The following KCNK13 variants were observed in gnomAD, a reference collection of about 807,000 sequenced individuals.
KCNK13 encodes potassium channel subfamily K member 13.
A neutral mutation model predicts 23.4 loss-of-function variants in KCNK13; 12 were observed. That is an observed-to-expected ratio of 0.51 (90% confidence interval 0.33 to 0.83). The LOEUF (loss-of-function observed/expected upper bound fraction) is 0.83. Among genes scored for constraint, KCNK13 ranks in the 40% least tolerant of loss-of-function variants. The probability of loss-of-function intolerance (pLI) is 0.02; values close to 1 mark genes in which losing one functional copy is unlikely to be tolerated. For synonymous variants in KCNK13, 231 were observed against 229.5 expected (o/e 1.01, Z -0.06); for missense variants, 463 against 556.3 (o/e 0.83, Z 1.69).
chr14:90,113,032 A>G lies in KCNK13; in HGVS notation c.334+50493A>G, dbSNP rs540065145. Reference sequence around the variant, plus strand: ...GGGCTCAAGCAATCCTTTCACCCCAACCTCCTGAGTAGCTGGGACCACAGA... The same window carrying G: ...GGGCTCAAGCAATCCTTTCACCCCAGCCTCCTGAGTAGCTGGGACCACAGA... On this transcript the variant is annotated intron_variant, in intron 1 of 1. Transcript: ENST00000282146. 2.3e-4 allele frequency among the ~76,000 whole-genome samples: 35 copies of G among 151,862 alleles called. 3 individuals carry two copies. The South Asian group carries it at 6.9e-3, about 30-fold the overall frequency.
intron 1 of KCNK13, among the ~76,000 whole-genome samples, chr14:90,173,350 C>G (rs915177701): frequency 6.6e-6 from 1 of 151,970 alleles, no homozygotes; most frequent in Non-Finnish European, 1.5e-5. Context: ...GAGTGAGACC[C>G]CACCTCTAAA....
intron 1 of KCNK13, among the ~76,000 whole-genome samples, chr14:90,146,371 A>G (rs1289070195): frequency 6.6e-6 from 1 of 152,162 alleles, no homozygotes. Flanking sequence ...GCTGGAGTGC[A>G]GTGGTACAAT....
intron 1 of KCNK13, among the ~76,000 whole-genome samples, chr14:90,179,072 A>G (rs2140448258): frequency 6.6e-6 from 1 of 152,308 alleles, no homozygotes; most frequent in Non-Finnish European, 1.5e-5. Context: ...GTCATTAGGT[A>G]TGGTAATGGC....
chr14:90,152,842 T>C (rs1322331488), intron 1 of KCNK13, among the ~76,000 whole-genome samples: 4 of 152,182 alleles, frequency 2.6e-5, no homozygotes, highest in African/African-American at 7.2e-5. Context: ...TTAATTGACA[T>C]AGAGTCTCCC....
rs180923887 is a variant in KCNK13 at position 90,159,665 on chromosome 14, C to T, written c.335-24446C>T. Among the ~76,000 whole-genome samples the T allele has an allele frequency of 9.8e-5, 15 of 152,292 alleles. 1 individual carries two copies. The South Asian group carries it at 2.7e-3, about 27-fold the overall frequency. ...GGCAAACTCTTAGAACTCTAAGGCACATATCTAGTGTTTTATCTATATTAG... is the reference window on the plus strand; with the variant it reads ...GGCAAACTCTTAGAACTCTAAGGCATATATCTAGTGTTTTATCTATATTAG... On this transcript the variant is annotated intron_variant, in intron 1 of 1. Transcript: ENST00000282146.
intron 1 of KCNK13, among the ~76,000 whole-genome samples, chr14:90,086,939 T>A (rs969949730): frequency 2.0e-5 from 3 of 151,908 alleles, no homozygotes; most frequent in Non-Finnish European, 4.4e-5. Context: ...ATGATGAATG[T>A]AGGTAACAAC....
chr14:90,092,559 T>C (rs545970138), intron 1 of KCNK13, among the ~76,000 whole-genome samples: 45 of 152,118 alleles, frequency 3.0e-4, no homozygotes, highest in African/African-American at 1.1e-3. Flanking sequence ...CTCTAGTGAT[T>C]AAGAGGATGG....
chr14:90,182,296 C>T (rs887855460), intron 1 of KCNK13, among the ~76,000 whole-genome samples: 1 of 152,130 alleles, frequency 6.6e-6, no homozygotes, highest in African/African-American at 2.4e-5. Context: ...GAAAGGTGGC[C>T]CCTTGGCTTG....
chr14:90,185,026 A>G lies in KCNK13; in HGVS notation c.*23A>G, dbSNP rs1245234294. ...TAGAAGCCAGGAGTGGATGCTGGGC[A>G]GAGGCCAGAGTAGAATGGAGGATGA... is the stretch of plus-strand genomic sequence containing the variant. On this transcript the variant is annotated 3_prime_UTR_variant, in exon 2 of 2. Transcript: ENST00000282146. The G allele has an allele frequency of 1.3e-6, 2 of 1,542,418 alleles. No individual in the cohort carries two copies. The highest frequency in any genetic ancestry group is 2.5e-5 in the South Asian group (2 of 81,068).
intron 1 of KCNK13, among the ~76,000 whole-genome samples, chr14:90,064,995 G>A (rs530556100): frequency 6.6e-6 from 1 of 152,212 alleles, no homozygotes; most frequent in Non-Finnish European, 1.5e-5. Flanking sequence ...AAAAGCTGAA[G>A]GTTCAGGTTT....
chr14:90,072,042 C>T (rs887183672), intron 1 of KCNK13, among the ~76,000 whole-genome samples: 2 of 152,104 alleles, frequency 1.3e-5, no homozygotes, highest in African/African-American at 4.8e-5. Context: ...GCAGTCCTGC[C>T]GAGGACGGTG....
At chr14:90,124,103 C>A (rs149062349) in intron 1 of KCNK13, among the ~76,000 whole-genome samples, 1 of 152,342 alleles carries the variant, frequency 6.6e-6, no homozygotes, top group East Asian at 1.9e-4. Flanking sequence ...TTCTGCCCAG[C>A]AAACAATTAG....
intron 1 of KCNK13, among the ~76,000 whole-genome samples, chr14:90,170,214 T>C (rs1857340122): frequency 1.3e-5 from 2 of 152,122 alleles, no homozygotes; most frequent in African/African-American, 4.8e-5. Flanking sequence ...CTCAATCATT[T>C]TATTATTTAT....
chr14:90,109,058 T>C (rs1444362551), intron 1 of KCNK13, among the ~76,000 whole-genome samples: 1 of 151,806 alleles, frequency 6.6e-6, no homozygotes, highest in Non-Finnish European at 1.5e-5. Context: ...GCGCCTGTAG[T>C]CCCAGCTACT....
chr14:90,089,593 A>G (rs1889318939), intron 1 of KCNK13, among the ~76,000 whole-genome samples: 1 of 152,240 alleles, frequency 6.6e-6, no homozygotes, highest in Non-Finnish European at 1.5e-5. Context: ...AGAAATTTGC[A>G]TAAGTAACGA....
At chr14:90,145,618 C>T (rs1813275611) in intron 1 of KCNK13, among the ~76,000 whole-genome samples, 1 of 152,034 alleles carries the variant, frequency 6.6e-6, no homozygotes, top group Non-Finnish European at 1.5e-5. Flanking sequence ...ACTTCCTCCT[C>T]TTCTATTTTC....
At chr14:90,137,467 C>T (rs990967060) in intron 1 of KCNK13, among the ~76,000 whole-genome samples, 1 of 151,942 alleles carries the variant, frequency 6.6e-6, no homozygotes, top group African/African-American at 2.4e-5. Flanking sequence ...ATTACAGGCG[C>T]CCGCCAACAC....
At chr14:90,122,927 C>T (rs545942331) in intron 1 of KCNK13, among the ~76,000 whole-genome samples, 1 of 152,288 alleles carries the variant, frequency 6.6e-6, no homozygotes, top group African/African-American at 2.4e-5. Flanking sequence ...CCGTCACACA[C>T]TATCTCAGCA....
intron 1 of KCNK13, among the ~76,000 whole-genome samples, chr14:90,065,027 A>T (rs1452800622): frequency 6.6e-6 from 1 of 152,222 alleles, no homozygotes; most frequent in African/African-American, 2.4e-5. Context: ...AAGTATAAAG[A>T]AGAAAAAAAT....
Sources: gnomAD v4.1 joint callset for allele counts (sites outside exome capture counted in the v4.1 genomes callset) on GRCh38, gnomAD v4.1.1 for gene constraint, MANE v1.5 for transcripts, NCBI Gene and HGNC (gene_info 2026-07-23, HGNC 2026-07-21) for gene names.